Variants in ARMH4 observed in about 807,000 individuals in gnomAD.
ARMH4 encodes the protein armadillo-like helical domain-containing protein 4.
ARMH4 carries 49 observed loss-of-function variants against 61.9 expected under a neutral mutation model. The observed-to-expected ratio is 0.79, with a 90% CI of 0.63 to 1.00. The LOEUF is 1.00. ARMH4 is among the 50% of genes least tolerant of loss of function. The probability of loss-of-function intolerance (pLI) is 0.00; values close to 1 mark genes in which losing one functional copy is unlikely to be tolerated. For synonymous variants in ARMH4, 368 were observed against 341.5 expected (o/e 1.08, Z -0.85); for missense variants, 934 against 930.0 (o/e 1.00, Z -0.06).
At chr14:58,101,509 C>G (rs1282602968) in intron 4 of ARMH4, 1 of 152,228 alleles carries the variant, frequency 6.6e-6, no homozygotes, top group Non-Finnish European at 1.5e-5. Context: ...AAGCAATGGT[C>G]TGACATCTAA....
chr14:58,102,719 G>C (rs1886035434), intron 4 of ARMH4, among the ~76,000 whole-genome samples: 1 of 149,328 alleles, frequency 6.7e-6, no homozygotes, highest in Non-Finnish European at 1.5e-5. Context: ...GCTGAGGCAG[G>C]AGAATGGCGT....
chr14:58,047,844 C>T (rs1396732998), intron 5 of ARMH4, among the ~76,000 whole-genome samples: 3 of 152,034 alleles, frequency 2.0e-5, no homozygotes, highest in African/African-American at 7.3e-5. Context: ...CGCCAAGTCC[C>T]CAGGTCATAA....
At chr14:58,140,884 C>T (rs1937986121) in intron 1 of ARMH4, among the ~76,000 whole-genome samples, 1 of 152,076 alleles carries the variant, frequency 6.6e-6, no homozygotes, top group Non-Finnish European at 1.5e-5. Context: ...GCCTGGGCGA[C>T]AAGAGTGAAA....
chr14:58,111,571 G>A (rs746271595), intron 4 of ARMH4, among the ~76,000 whole-genome samples: 9 of 152,178 alleles, frequency 5.9e-5, no homozygotes, highest in Non-Finnish European at 1.3e-4. Context: ...AGCCAGGTGG[G>A]TTTCTGGTAA....
At chr14:58,067,437 C>A (rs530946103) in intron 5 of ARMH4, among the ~76,000 whole-genome samples, 7 of 152,204 alleles carry the variant, frequency 4.6e-5, no homozygotes, top group African/African-American at 1.7e-4. Flanking sequence ...CAGGATGAAG[C>A]TGGAGTCCTG....
intron 5 of ARMH4, among the ~76,000 whole-genome samples, chr14:58,077,085 G>A (rs899802998): frequency 6.6e-6 from 1 of 152,200 alleles, no homozygotes. Context: ...TAAGCCCAAT[G>A]AGGGGGTCAT....
chr14:58,101,800 G>A (rs895586304), intron 4 of ARMH4, among the ~76,000 whole-genome samples: 3 of 152,146 alleles, frequency 2.0e-5, no homozygotes, highest in Non-Finnish European at 2.9e-5. Context: ...AAGAGAAAAC[G>A]GGGGAGAGGG....
intron 5 of ARMH4, among the ~76,000 whole-genome samples, chr14:58,021,916 G>A (rs991332917): frequency 1.3e-5 from 2 of 152,188 alleles, no homozygotes; most frequent in African/African-American, 4.8e-5. Flanking sequence ...GGAGCCATCT[G>A]CAACCAAGGA....
chr14:58,130,998 C>T lies in ARMH4; in HGVS notation c.1831+514G>A, dbSNP rs111345904. Among the ~76,000 whole-genome samples, 1,279 of 152,300 alleles carry T rather than the reference C, an allele frequency of 8.4e-3. 20 individuals are homozygous for T. Among genetic ancestry groups the T allele is most frequent in the African/African-American group, 0.029 (1,215 of 41,554 alleles). On this transcript the variant is annotated intron_variant, in intron 4 of 7. Coordinates refer to ENST00000267485, the MANE Select transcript of ARMH4 (RefSeq NM_001001872.4). ...CAATCACTGGAGAGTGATTCAGGCA[C>T]TGGGATGTTTCAAAAGCTCTCCAAG...
intron 1 of ARMH4, chr14:58,141,239 C>A: frequency 3.6e-6 from 1 of 280,444 alleles, no homozygotes; most frequent in Non-Finnish European, 7.3e-6. Flanking sequence ...TGTCTTTTAG[C>A]TCTTTTTCTT....
intron 4 of ARMH4, among the ~76,000 whole-genome samples, chr14:58,102,423 A>G (rs1313180017): frequency 6.6e-6 from 1 of 152,148 alleles, no homozygotes; most frequent in Non-Finnish European, 1.5e-5. Flanking sequence ...CGTTTGGTAA[A>G]AGAATCTTTG....
intron 5 of ARMH4, among the ~76,000 whole-genome samples, chr14:58,067,923 TGAAAGAGAGTGTC>T (rs1371153260): frequency 6.6e-6 from 1 of 152,170 alleles, no homozygotes; most frequent in Admixed American, 6.5e-5. Flanking sequence ...AAAGAACAAG[TGAAAGAGAGTGTC>T]ACATTTCTCT....
chr14:58,118,166 C>T (rs1315368013), intron 4 of ARMH4, among the ~76,000 whole-genome samples: 1 of 152,104 alleles, frequency 6.6e-6, no homozygotes, highest in Non-Finnish European at 1.5e-5. Context: ...TCATAGCTCC[C>T]TGTTTATGGA....
chr14:58,078,655 T>G (rs939063793), intron 5 of ARMH4, among the ~76,000 whole-genome samples: 2 of 152,224 alleles, frequency 1.3e-5, no homozygotes, highest in Non-Finnish European at 2.9e-5. Context: ...TAGTAAATAT[T>G]TTGGGTTTAT....
At chr14:58,005,941 A>G (rs1446116009) in intron 6 of ARMH4, among the ~76,000 whole-genome samples, 1 of 152,210 alleles carries the variant, frequency 6.6e-6, no homozygotes, top group African/African-American at 2.4e-5. Flanking sequence ...AAAGAAAGGA[A>G]GTGGCAGAGA....
At chr14:58,062,187 A>T (rs1594731871) in intron 5 of ARMH4, among the ~76,000 whole-genome samples, 2 of 152,114 alleles carry the variant, frequency 1.3e-5, no homozygotes, top group Non-Finnish European at 2.9e-5. Flanking sequence ...AGATAAAAAT[A>T]AAAATTAGCC....
chr14:58,103,375 G>A lies in ARMH4; in HGVS notation c.1832-6394C>T, dbSNP rs911105986. On this transcript the variant is annotated intron_variant, in intron 4 of 7. Coordinates refer to ENST00000267485, the MANE Select transcript of ARMH4 (RefSeq NM_001001872.4). ...TGCCCTTATAAAAATGGCTATGGGAGTGGGCTCATGCTCTTCTGCTCTTCC... is the reference window on the plus strand; with the variant it reads ...TGCCCTTATAAAAATGGCTATGGGAATGGGCTCATGCTCTTCTGCTCTTCC... 5.9e-5 allele frequency among the ~76,000 whole-genome samples: 9 copies of A among 152,246 alleles called. No homozygotes were observed. In the East Asian group the frequency reaches 1.5e-3, roughly 26 times the overall value.
chr14:58,032,860 G>C (rs532164414), intron 5 of ARMH4, among the ~76,000 whole-genome samples: 7 of 152,066 alleles, frequency 4.6e-5, no homozygotes, highest in African/African-American at 1.7e-4. Flanking sequence ...AACAAACGGC[G>C]CACCACGAGA....
chr14:58,014,955 T>C (rs1257869041), intron 5 of ARMH4, among the ~76,000 whole-genome samples: 1 of 152,076 alleles, frequency 6.6e-6, no homozygotes, highest in Non-Finnish European at 1.5e-5. Flanking sequence ...GGAATGTTAA[T>C]ATGAGCACCT....
Sources: gnomAD v4.1 joint callset for allele counts (sites outside exome capture counted in the v4.1 genomes callset) on GRCh38, gnomAD v4.1.1 for gene constraint, MANE v1.5 for transcripts, NCBI Gene and HGNC (gene_info 2026-07-23, HGNC 2026-07-21) for gene names.